The following PPP2R5E variants were observed in gnomAD, a reference collection of about 807,000 sequenced individuals.
The protein encoded by PPP2R5E is serine/threonine-protein phosphatase 2A 56 kDa regulatory subunit epsilon isoform.
In PPP2R5E, 4 loss-of-function variants were observed where a neutral mutation model predicts 65.3. The observed-to-expected ratio is 0.06, with a 90% CI of 0.03 to 0.14. The LOEUF is 0.14. Ranked by LOEUF, PPP2R5E falls within the 10% of genes least tolerant of loss-of-function variation. The probability of loss-of-function intolerance (pLI) is 1.00; values close to 1 mark genes in which losing one functional copy is unlikely to be tolerated. For missense variants in PPP2R5E, 274 were observed against 556.1 expected, an observed-to-expected ratio of 0.49 and a Z score of 5.10; for synonymous variants, 183 against 187.4, an observed-to-expected ratio of 0.98 and a Z score of 0.19.
At position 63,428,396 on chromosome 14, in the gene PPP2R5E, G is replaced by A. The variant is rs577370626; in HGVS notation, c.355-6302C>T. Reference sequence around the variant, plus strand: ...ACAAATAATTTTTCAGTATAAGTTCGTCCCATGCAATATTTGGGACTGTCT... The same window carrying A: ...ACAAATAATTTTTCAGTATAAGTTCATCCCATGCAATATTTGGGACTGTCT... On this transcript the variant is annotated intron_variant, in intron 3 of 13. Transcript: ENST00000337537. Among the ~76,000 whole-genome samples, 49 of 152,220 alleles carry A rather than the reference G, an allele frequency of 3.2e-4. 1 individual carries two copies. Among genetic ancestry groups the A allele is most frequent in the Admixed American group, 1.8e-3 (27 of 15,282 alleles).
intron 3 of PPP2R5E, among the ~76,000 whole-genome samples, chr14:63,446,363 T>C (rs1440773933): frequency 2.0e-5 from 3 of 152,222 alleles, no homozygotes; most frequent in African/African-American, 4.8e-5. Context: ...GCATCTAGAA[T>C]GGTGAATCCT....
At chr14:63,429,227 A>G (rs1887494970) in intron 3 of PPP2R5E, among the ~76,000 whole-genome samples, 1 of 152,206 alleles carries the variant, frequency 6.6e-6, no homozygotes, top group African/African-American at 2.4e-5. Context: ...TTTCTTGAAT[A>G]AAAGCAGATG....
intron 13 of PPP2R5E, among the ~76,000 whole-genome samples, chr14:63,381,272 C>A (rs1884340622): frequency 6.6e-6 from 1 of 152,204 alleles, no homozygotes; most frequent in African/African-American, 2.4e-5. Flanking sequence ...GTTCTTTTCA[C>A]TGATCTTTAA....
chr14:63,521,459 G>A (rs1018335217), intron 2 of PPP2R5E, among the ~76,000 whole-genome samples: 20 of 152,192 alleles, frequency 1.3e-4, no homozygotes, highest in Non-Finnish European at 5.9e-5. Flanking sequence ...ACAAGGTCAG[G>A]AGTTCAAGAC....
chr14:63,379,027 T>C (rs1884156150), intron 13 of PPP2R5E, among the ~76,000 whole-genome samples: 1 of 146,930 alleles, frequency 6.8e-6, no homozygotes, highest in African/African-American at 2.6e-5. Flanking sequence ...TAAAAACCCA[T>C]TTTCTTTTTT....
rs548468636 is a variant in PPP2R5E, at chr14:63,531,724, T to A, written c.157+7805A>T. 2.7e-4 allele frequency among the ~76,000 whole-genome samples: 41 copies of A among 151,842 alleles called. 1 individual carries two copies. Among genetic ancestry groups the A allele is most frequent in the African/African-American group, 9.7e-4 (40 of 41,396 alleles). On this transcript the variant is annotated intron_variant, in intron 2 of 13. Transcript: ENST00000337537. Reference sequence around the variant, plus strand: ...ATCCCAGCACTTTGGGAGGCCAAAGTGGGAGGGTCACTTGAGGTCAAGAGT... The same window carrying A: ...ATCCCAGCACTTTGGGAGGCCAAAGAGGGAGGGTCACTTGAGGTCAAGAGT...
intron 3 of PPP2R5E, chr14:63,453,055 G>A (rs1026617614): frequency 2.6e-5 from 4 of 152,104 alleles, no homozygotes; most frequent in Admixed American, 1.3e-4. Flanking sequence ...CCACATTTTG[G>A]CTCAGCTTTT....
rs35587312 is a variant in PPP2R5E, at chr14:63,374,634, G to GATATATATATATATATATATAT, written c.*1353_*1374dup. The GATATATATATATATATATATAT allele has an allele frequency of 7.9e-4, 87 of 109,476 alleles. 2 individuals carry two copies. Among genetic ancestry groups the GATATATATATATATATATATAT allele is most frequent in the African/African-American group, 3.7e-3 (77 of 20,598 alleles). The allele number at this position is 109,476 out of a possible 1,614,324, so 6.8% of individuals were successfully genotyped here. A position where few individuals can be genotyped will look rare whatever the true frequency, so the allele number is the denominator to read the frequency against. On this transcript the variant is annotated 3_prime_UTR_variant, in exon 14 of 14. Transcript: ENST00000337537. Reference sequence around the variant, plus strand: ...TAAATACAAAGCAGAGAGCCAATAAGATATATATATATATATATATATATA... The same window carrying GATATATATATATATATATATAT: ...TAAATACAAAGCAGAGAGCCAATAAGATATATATATATATATATATATATATATATATATATATATATATATA...
intron 2 of PPP2R5E, among the ~76,000 whole-genome samples, chr14:63,505,400 G>A (rs898644245): frequency 3.9e-5 from 6 of 152,146 alleles, no homozygotes; most frequent in African/African-American, 1.4e-4. Flanking sequence ...CCTTGGTAAT[G>A]ACCACTTTAA....
At chr14:63,391,499 T>C (rs1324881800) in intron 10 of PPP2R5E, among the ~76,000 whole-genome samples, 2 of 152,200 alleles carry the variant, frequency 1.3e-5, no homozygotes, top group Non-Finnish European at 2.9e-5. Flanking sequence ...CTCGGCTCAC[T>C]GCAAACTTCT....
intron 2 of PPP2R5E, among the ~76,000 whole-genome samples, chr14:63,519,643 C>T (rs935573666): frequency 4.0e-5 from 6 of 150,752 alleles, no homozygotes; most frequent in South Asian, 4.2e-4. Context: ...CATGAGCCAC[C>T]GTGCCTGGCC....
At chr14:63,540,756 A>T (rs1034598180) in intron 1 of PPP2R5E, among the ~76,000 whole-genome samples, 1 of 151,940 alleles carries the variant, frequency 6.6e-6, no homozygotes, top group Non-Finnish European at 1.5e-5. Flanking sequence ...AAAGAAAAGA[A>T]AAGTCATATG....
Position 63,539,622 on chromosome 14 carries a change from C to T in PPP2R5E, c.64G>A (p.Val22Ile), listed in dbSNP as rs753998212. 5.0e-6 allele frequency: 8 copies of T among 1,614,024 alleles called. No individual in the cohort carries two copies. The highest frequency in any genetic ancestry group is 6.8e-6 in the Non-Finnish European group (8 of 1,179,952). The change falls in exon 2 of 14, where the codon GTC (valine) becomes ATC (isoleucine). Residue 22 changes from valine (V) to isoleucine (I), a missense_variant. Transcript: ENST00000337537. The stretch of plus-strand genomic sequence containing the variant: ...GACCTCTTCTGTCTGGCTTTTCTGA[C>T]GGACTTCCGAGAAAATCCGTCTACT... ...DKVDGFSRKS[V>I]RKARQKRSQS...
intron 3 of PPP2R5E, chr14:63,451,732 A>G (rs569880668): frequency 6.6e-6 from 1 of 152,072 alleles, no homozygotes; most frequent in East Asian, 1.9e-4. Flanking sequence ...TGATGCGTCA[A>G]TGTAGGATCA....
chr14:63,422,755 A>AAAAAC (rs1887109898), intron 3 of PPP2R5E, among the ~76,000 whole-genome samples: 1 of 146,352 alleles, frequency 6.8e-6, no homozygotes, highest in African/African-American at 2.6e-5. Context: ...AAAAAAAAAA[A>AAAAAC]AAAACTGGTA....
At chr14:63,393,180 T>C (rs532519881) in intron 8 of PPP2R5E, among the ~76,000 whole-genome samples, 9 of 152,090 alleles carry the variant, frequency 5.9e-5, no homozygotes, top group Admixed American at 5.9e-4. Context: ...GATTACATAG[T>C]CCAAAGATCT....
rs1324095083 is a variant in PPP2R5E, at chr14:63,507,605, A to T, written c.157+31924T>A. Among the ~76,000 whole-genome samples, 5 of 96,786 alleles carry T rather than the reference A, an allele frequency of 5.2e-5. No individual in the cohort carries two copies. The Admixed American group carries it at 5.7e-4, about 11-fold the overall frequency. 63.5% of individuals were successfully genotyped at this position (96,786 alleles called of 152,430 possible). A position where few individuals can be genotyped will look rare whatever the true frequency, so the allele number is the denominator to read the frequency against. On this transcript the variant is annotated intron_variant, in intron 2 of 13. Transcript: ENST00000337537. ...TTTTTTTTTTTTTTTTTTGAGACGGAGTCTTGTTCTGTCGCCCAGGCTGGA... is the reference window on the plus strand; with the variant it reads ...TTTTTTTTTTTTTTTTTTGAGACGGTGTCTTGTTCTGTCGCCCAGGCTGGA...
chr14:63,503,294 G>C (rs1272945931), intron 2 of PPP2R5E, among the ~76,000 whole-genome samples: 1 of 152,130 alleles, frequency 6.6e-6, no homozygotes, highest in Non-Finnish European at 1.5e-5. Flanking sequence ...ATCTTAGGAG[G>C]AATGAATAGA....
At position 63,484,334 on chromosome 14, in the gene PPP2R5E, TTC is replaced by T. The variant is rs1322678985; in HGVS notation, c.158-30451_158-30450del. Among the ~76,000 whole-genome samples, 1,030 of 125,278 alleles carry T rather than the reference TTC, an allele frequency of 8.2e-3. 14 individuals are homozygous for T. The highest frequency in any genetic ancestry group is 0.028 in the African/African-American group (964 of 34,030). 82.2% of individuals were successfully genotyped at this position (125,278 alleles called of 152,430 possible). A position where few individuals can be genotyped will look rare whatever the true frequency, so the allele number is the denominator to read the frequency against. ...ATATGATCGATCTCTTTCTTTCTCT[TTC>T]TCTCTCTCTCTCACACACACACACA... On this transcript the variant is annotated intron_variant, in intron 2 of 13. Coordinates refer to ENST00000337537, the MANE Select transcript of PPP2R5E (RefSeq NM_006246.5).
Sources: allele counts gnomAD v4.1 joint callset (sites outside exome capture counted in the v4.1 genomes callset), GRCh38; gene constraint gnomAD v4.1.1; transcripts MANE v1.5; gene names NCBI Gene and HGNC (gene_info 2026-07-23, HGNC 2026-07-21).